FBXO11: variants seen among roughly 807,000 people sequenced by gnomAD.
The protein encoded by FBXO11 is F-box only protein 11.
Under a neutral mutation model 117.0 loss-of-function variants are expected in FBXO11, and 13 were observed. That is an observed-to-expected ratio of 0.11 (90% CI 0.07 to 0.18). The LOEUF is 0.18. FBXO11 is among the 10% of genes least tolerant of loss of function. The pLI, the probability that FBXO11 is intolerant of heterozygous loss-of-function variation, is 1.00. For synonymous variants in FBXO11, 490 were observed against 380.5 expected, an observed-to-expected ratio of 1.29 and a Z score of -3.35; for missense variants, 767 against 1,164.4, an observed-to-expected ratio of 0.66 and a Z score of 4.97.
At chr2:47,850,360 A>C (rs77724152) in intron 1 of FBXO11, among the ~76,000 whole-genome samples, 3,462 of 152,280 alleles carry the variant, frequency 0.023, 71 homozygotes, top group African/African-American at 0.053. Context: ...AAATATGTAG[A>C]TCTCAAGCAT....
chr2:47,846,429 T>C (rs1673415441), intron 1 of FBXO11, among the ~76,000 whole-genome samples: 1 of 152,216 alleles, frequency 6.6e-6, no homozygotes, highest in Non-Finnish European at 1.5e-5. Context: ...ATCATGCCAT[T>C]GCACTCCAGC....
At chr2:47,816,182 T>A (rs1458693181) in intron 16 of FBXO11, among the ~76,000 whole-genome samples, 1 of 152,024 alleles carries the variant, frequency 6.6e-6, no homozygotes, top group Non-Finnish European at 1.5e-5. Context: ...TTTTTTTTTG[T>A]TTTGTTCTGT....
chr2:47,832,579 T>C lies in FBXO11; in HGVS notation c.1253A>G (p.His418Arg), dbSNP rs889397926. 4 of 1,612,314 alleles carry C rather than the reference T, an allele frequency of 2.5e-6. No homozygotes were observed. The highest frequency in any genetic ancestry group is 3.4e-6 in the Non-Finnish European group (4 of 1,179,454). Residue 418 changes from histidine (H) to arginine (R), a missense_variant, in exon 10 of 23, where the codon CAT (histidine) becomes CGT (arginine). Physicochemically the swap from His to Arg is conservative, Grantham distance 29 (BLOSUM62 0). This residue lies in a region of FBXO11 where 33 missense variants were observed against 66.1 expected (regional missense o/e 0.50). Coordinates refer to ENST00000403359, the MANE Select transcript of FBXO11 (RefSeq NM_001190274.2). ...CACAAAATTAAAAAATACCTGTGCA[T>C]GATCTGTTATATATAGTCCAACATT... ...CENVGLYITD[H>R]AQGIYEDNEI...
chr2:47,869,838 G>A (rs1199191655), intron 1 of FBXO11, among the ~76,000 whole-genome samples: 1 of 152,156 alleles, frequency 6.6e-6, no homozygotes, highest in African/African-American at 2.4e-5. Context: ...GTATGACCTG[G>A]CTAATTGTTT....
At chr2:47,868,738 G>A (rs1017041441) in intron 1 of FBXO11, among the ~76,000 whole-genome samples, 3 of 152,210 alleles carry the variant, frequency 2.0e-5, no homozygotes, top group African/African-American at 4.8e-5. Context: ...GGCTATGGCT[G>A]CTGTTGAGCG....
intron 1 of FBXO11, among the ~76,000 whole-genome samples, chr2:47,890,402 T>C (rs1351481822): frequency 6.6e-6 from 1 of 152,172 alleles, no homozygotes; most frequent in East Asian, 1.9e-4. Context: ...TAAAGCACAC[T>C]TCCAACATTA....
Position 47,900,595 on chromosome 2 carries a change from T to TAC in FBXO11, c.232+4892_232+4893dup, listed in dbSNP as rs1243696559. Reference sequence around the variant, plus strand: ...ACGTATACACACATATATACGTATATACACACGTATACACACGTATATACA... The same window carrying TAC: ...ACGTATACACACATATATACGTATATACACACACGTATACACACGTATATACA... On this transcript the variant is annotated intron_variant, in intron 1 of 22. Transcript: ENST00000403359. Among the ~76,000 whole-genome samples, 573 of 114,810 alleles carry TAC rather than the reference T, an allele frequency of 5.0e-3. 78 individuals are homozygous for TAC. The highest frequency in any genetic ancestry group is 8.4e-3 in the Non-Finnish European group (429 of 51,308). The allele number at this position is 114,810 out of a possible 152,430, so 75.3% of individuals were successfully genotyped here. A position where few individuals can be genotyped will look rare whatever the true frequency, so the allele number is the denominator to read the frequency against.
intron 11 of FBXO11, 38 bp downstream of exon 11, chr2:47,832,311 C>A (rs190325040): frequency 6.5e-7 from 1 of 1,536,296 alleles, no homozygotes; most frequent in Admixed American, 2.0e-5. Context: ...TTAACTGATA[C>A]AGAAGTCCGT....
chr2:47,836,938 A>G (rs542570514), intron 4 of FBXO11: 5 of 387,588 alleles, frequency 1.3e-5, no homozygotes, highest in African/African-American at 6.6e-5. Context: ...AGGTCCCAGT[A>G]TGTTGCCCAG....
chr2:47,875,109 T>C (rs1310549985), intron 1 of FBXO11, among the ~76,000 whole-genome samples: 1 of 152,160 alleles, frequency 6.6e-6, no homozygotes, highest in African/African-American at 2.4e-5. Context: ...CAATATCTAA[T>C]ATAACTTTCC....
intron 16 of FBXO11, among the ~76,000 whole-genome samples, chr2:47,816,784 T>A (rs1300039050): frequency 6.6e-6 from 1 of 152,198 alleles, no homozygotes; most frequent in African/African-American, 2.4e-5. Context: ...GAGCACTAGG[T>A]CTCAGTGGAC....
At position 47,847,949 on chromosome 2, in the gene FBXO11, C is replaced by G. The variant is rs1332008592; in HGVS notation, c.233-8180G>C. Among the ~76,000 whole-genome samples the G allele has an allele frequency of 3.3e-5, 5 of 151,888 alleles. No homozygotes were observed. The South Asian group carries it at 1.0e-3, about 32-fold the overall frequency. On this transcript the variant is annotated intron_variant, in intron 1 of 22. Transcript: ENST00000403359. ...ACCATCCTGGCTAACACGGTGAAAC[C>G]CCATCTCTACTAAAAATACAAAAAA...
In FBXO11 at chr2:47,835,718, G is replaced by A. The variant is rs562964408; in HGVS notation, c.717+154C>T. ...TCGCCATGTTGGCCAAGCTGGTCTC[G>A]AACTCCTGACCTCAGGTAATCCTCC... is the stretch of plus-strand genomic sequence containing the variant. On this transcript the variant is annotated intron_variant, in intron 5 of 22. Coordinates refer to ENST00000403359, the MANE Select transcript of FBXO11 (RefSeq NM_001190274.2). Among the ~76,000 whole-genome samples, 8 of 152,104 alleles carry A rather than the reference G, an allele frequency of 5.3e-5. No individual in the cohort carries two copies. The East Asian group carries it at 5.8e-4, about 11-fold the overall frequency.
chr2:47,869,524 ACAACAACC>A (rs1409317746), intron 1 of FBXO11, among the ~76,000 whole-genome samples: 1 of 152,214 alleles, frequency 6.6e-6, no homozygotes, highest in Non-Finnish European at 1.5e-5. Context: ...ATGGAAAACT[ACAACAACC>A]CAATTCAGGT....
chr2:47,883,410 C>G (rs181921278), intron 1 of FBXO11: 173 of 350,920 alleles, frequency 4.9e-4, no homozygotes, highest in African/African-American at 3.3e-3. Flanking sequence ...ATCCCCTAAT[C>G]TAACTCATCT....
chr2:47,875,555 T>C (rs780221506), intron 1 of FBXO11, among the ~76,000 whole-genome samples: 1 of 151,386 alleles, frequency 6.6e-6, no homozygotes, highest in Non-Finnish European at 1.5e-5. Flanking sequence ...ATTCCTAGAG[T>C]AGTAAAATAT....
At chr2:47,841,750 CCT>C (rs774389953) in intron 1 of FBXO11, among the ~76,000 whole-genome samples, 32 of 151,934 alleles carry the variant, frequency 2.1e-4, no homozygotes, top group African/African-American at 3.1e-4. Context: ...ACGCCATTCC[CCT>C]GTCTCAGCCT....
At chr2:47,830,687 A>G (rs867338510) in intron 11 of FBXO11, among the ~76,000 whole-genome samples, 1 of 152,230 alleles carries the variant, frequency 6.6e-6, no homozygotes, top group Non-Finnish European at 1.5e-5. Flanking sequence ...TGTGATATTT[A>G]CAAGCCCAAA....
intron 1 of FBXO11, among the ~76,000 whole-genome samples, chr2:47,900,665 T>TATACACAC (rs145437409): frequency 6.0e-5 from 4 of 66,878 alleles, no homozygotes; most frequent in Admixed American, 1.9e-4. Context: ...TACACACACG[T>TATACACAC]ACGTATATAC....
Sources: gnomAD v4.1 joint callset for allele counts (sites outside exome capture counted in the v4.1 genomes callset) on GRCh38, gnomAD v4.1.1 for gene constraint, gnomAD v4.1.1 regional missense constraint, MANE v1.5 for transcripts, NCBI Gene and HGNC (gene_info 2026-07-23, HGNC 2026-07-21) for gene names.